PIK3C2A: variants seen among roughly 807,000 people sequenced by gnomAD.
PIK3C2A encodes phosphatidylinositol-4-phosphate 3-kinase catalytic subunit type 2 alpha.
PIK3C2A carries 97 observed loss-of-function variants against 204.5 expected under a neutral mutation model. That is an observed-to-expected ratio of 0.47 (90% CI 0.40 to 0.56). PIK3C2A has a LOEUF of 0.56. PIK3C2A is among the 20% of genes least tolerant of loss of function. PIK3C2A has a pLI of 0.00. For synonymous variants in PIK3C2A, 653 were observed against 664.4 expected (o/e 0.98, Z 0.26); for missense variants, 1,735 against 1,969.2 (o/e 0.88, Z 2.25).
chr11:17,095,495 G>T (rs1254638587), intron 27 of PIK3C2A, among the ~76,000 whole-genome samples: 1 of 151,598 alleles, frequency 6.6e-6, no homozygotes, highest in Admixed American at 6.6e-5. Flanking sequence ...GGAGGCTGAG[G>T]CAGGAGAATG....
In PIK3C2A at chr11:17,155,538, C is replaced by A; in HGVS notation, c.1157G>T (p.Arg386Leu). 1.9e-6 allele frequency: 3 copies of A among 1,583,586 alleles called. No individual in the cohort carries two copies. The highest frequency in any genetic ancestry group is 2.3e-5 in the South Asian group (2 of 87,782). Residue 386 changes from arginine to leucine, a missense_variant, in exon 3 of 33, where the codon CGA becomes CTA. Around this residue, in one of 6 missense-constraint regions of PIK3C2A, gnomAD observed 536 missense variants for 546.7 expected, o/e 0.98. Transcript: ENST00000691414. Reference protein sequence around the residue: ...VQNEEMAAFCRSITKLKTKFP... With the variant: ...VQNEEMAAFCLSITKLKTKFP... Reference sequence around the variant, plus strand: ...AAAAATTCCTTACTTTGTAATGGATCGACAAAAAGCTGCCATCTCCTCATT... The same window carrying A: ...AAAAATTCCTTACTTTGTAATGGATAGACAAAAAGCTGCCATCTCCTCATT...
chr11:17,098,102 GA>G (rs1404681048), intron 26 of PIK3C2A, among the ~76,000 whole-genome samples: 1 of 152,180 alleles, frequency 6.6e-6, no homozygotes, highest in African/African-American at 2.4e-5. Context: ...GCAAGCAAAG[GA>G]AATAAGTCTC....
At chr11:17,152,533 T>C (rs886152682) in intron 3 of PIK3C2A, among the ~76,000 whole-genome samples, 1 of 152,186 alleles carries the variant, frequency 6.6e-6, no homozygotes, top group Non-Finnish European at 1.5e-5. Context: ...ACTTTCAATA[T>C]AGACCAGATA....
intron 22 of PIK3C2A, among the ~76,000 whole-genome samples, chr11:17,107,819 T>C (rs1186296535): frequency 6.6e-6 from 1 of 152,240 alleles, no homozygotes; most frequent in Non-Finnish European, 1.5e-5. Context: ...GGGGACAGAT[T>C]GTAATTCTAG....
intron 1 of PIK3C2A, chr11:17,193,960 C>A (rs564617751): frequency 6.0e-6 from 2 of 333,614 alleles, no homozygotes; most frequent in Non-Finnish European, 1.1e-5. Flanking sequence ...GGGGGTGGAC[C>A]CCAAATTCCT....
rs1348939380 is a variant in PIK3C2A at position 17,131,937 on chromosome 11, T to C, written c.2210A>G (p.Tyr737Cys). Residue 737 changes from tyrosine (Y) to cysteine (C), a missense_variant, in exon 12 of 33, where the codon TAT (tyrosine) becomes TGT (cysteine). Around this residue, in one of 6 missense-constraint regions of PIK3C2A, gnomAD observed 567 missense variants for 576.0 expected, o/e 0.98. Coordinates refer to ENST00000691414, the MANE Select transcript of PIK3C2A (RefSeq NM_002645.4). ...TTACAGTTCATCCCATTTAATAAGA[T>C]AGAAGAAATTCTTGTAAGTGCCAAC... ...KKVGTYKNFF[Y>C]LIKWDELIIF... The C allele has an allele frequency of 3.1e-6, 5 of 1,600,722 alleles. No individual in the cohort carries two copies. In the South Asian group the frequency reaches 3.4e-5, roughly 11 times the overall value.
rs1285149121 is a variant in PIK3C2A at position 17,119,881 on chromosome 11, T to C, written c.2751A>G (p.Pro917=). Residue 917 remains proline, a synonymous_variant, in exon 16 of 33, where the codon CCA becomes CCG. Coordinates refer to ENST00000691414, the MANE Select transcript of PIK3C2A (RefSeq NM_002645.4). The stretch of plus-strand genomic sequence containing the variant: ...TGGCAAGATTAACCCATTTCCAGTT[T>C]GGGGCGCTTGCTAATATTTTAGGAA... ...NCLPKILASA[P]NWKWVNLAKT... 3.7e-6 allele frequency: 6 copies of C among 1,612,092 alleles called. No homozygotes were observed. The highest frequency in any genetic ancestry group is 5.1e-6 in the Non-Finnish European group (6 of 1,178,936).
chr11:17,180,518 C>T (rs559269400), intron 1 of PIK3C2A, among the ~76,000 whole-genome samples: 1 of 115,418 alleles, frequency 8.7e-6, no homozygotes, highest in African/African-American at 3.3e-5. Flanking sequence ...ACAACAACAA[C>T]AACAAAAAAC....
In PIK3C2A at chr11:17,094,374, G is replaced by A. The variant is rs768800889; in HGVS notation, c.4338C>T (p.Val1446=). ...YNPDKHYIYV[V]RILREGQIEP... is the part of the protein sequence containing the mutation. ...CAATCTGTCCTTCCCTCAAAATTCG[G>A]ACTACATAAATCTGAAAAGAAATCA... Residue 1446 remains valine (V), a synonymous_variant, in exon 28 of 33, where the codon GTC becomes GTT. Transcript: ENST00000691414. 6.2e-7 allele frequency: 1 copy of A among 1,609,302 alleles called. No homozygotes were observed. The highest frequency in any genetic ancestry group is 1.1e-5 in the South Asian group (1 of 90,388).
chr11:17,159,090 C>T (rs1359855032), intron 2 of PIK3C2A, among the ~76,000 whole-genome samples: 1 of 152,216 alleles, frequency 6.6e-6, no homozygotes, highest in African/African-American at 2.4e-5. Context: ...CATACTCCCA[C>T]CCCACTTCCA....
At chr11:17,197,668 A>G (rs1199943000) in intron 1 of PIK3C2A, among the ~76,000 whole-genome samples, 4 of 152,208 alleles carry the variant, frequency 2.6e-5, no homozygotes, top group Non-Finnish European at 5.9e-5. Context: ...GAAGTTTTCA[A>G]TCTAACTCAG....
chr11:17,190,441 C>T (rs970917864), intron 1 of PIK3C2A, among the ~76,000 whole-genome samples: 14 of 151,150 alleles, frequency 9.3e-5, no homozygotes, highest in East Asian at 3.9e-4. Context: ...CGTGGTGGTG[C>T]GCACCTGTAA....
At chr11:17,178,057 C>T (rs1851393867) in intron 1 of PIK3C2A, among the ~76,000 whole-genome samples, 1 of 138,666 alleles carries the variant, frequency 7.2e-6, no homozygotes, top group Admixed American at 7.8e-5. Flanking sequence ...CATGCCACCA[C>T]ACTCCAGCCT....
intron 1 of PIK3C2A, chr11:17,204,162 A>T (rs1433777255): frequency 1.3e-5 from 2 of 152,128 alleles, no homozygotes; most frequent in African/African-American, 4.8e-5. Flanking sequence ...CAGCCTCTAG[A>T]TCTATACTGT....
intron 28 of PIK3C2A, among the ~76,000 whole-genome samples, chr11:17,093,803 AT>A (rs1167962793): frequency 6.6e-6 from 1 of 151,700 alleles, no homozygotes; most frequent in Non-Finnish European, 1.5e-5. Flanking sequence ...AGCCCAGCTA[AT>A]TTTTGTATTT....
intron 1 of PIK3C2A, among the ~76,000 whole-genome samples, chr11:17,182,540 C>T (rs1045657882): frequency 2.7e-5 from 4 of 148,856 alleles, no homozygotes; most frequent in Admixed American, 1.3e-4. Flanking sequence ...TGTACTTCAG[C>T]CTGGACGACA....
intron 1 of PIK3C2A, among the ~76,000 whole-genome samples, chr11:17,192,757 T>C (rs1851985221): frequency 1.3e-5 from 2 of 152,230 alleles, no homozygotes; most frequent in South Asian, 4.1e-4. Flanking sequence ...ACAAAACAAC[T>C]GTTATGGAAA....
intron 27 of PIK3C2A, among the ~76,000 whole-genome samples, chr11:17,094,655 CAG>C (rs1173760442): frequency 6.6e-6 from 1 of 152,006 alleles, no homozygotes; most frequent in Non-Finnish European, 1.5e-5. Context: ...ACCTGGGAGA[CAG>C]AGGTTGCAGT....
chr11:17,112,155 A>G lies in PIK3C2A; in HGVS notation c.3414+419T>C, dbSNP rs1450689715. Among the ~76,000 whole-genome samples the G allele has an allele frequency of 3.3e-5, 5 of 152,098 alleles. No individual in the cohort carries two copies. In the East Asian group the frequency reaches 9.7e-4, roughly 29 times the overall value. Reference sequence around the variant, plus strand: ...TCAAAATGTACAAATCATGATCAAAACACGTAAAATTTTTGGCTGGGCGCG... The same window carrying G: ...TCAAAATGTACAAATCATGATCAAAGCACGTAAAATTTTTGGCTGGGCGCG... On this transcript the variant is annotated intron_variant, in intron 21 of 32. Coordinates refer to ENST00000691414, the MANE Select transcript of PIK3C2A (RefSeq NM_002645.4).
Sources: gnomAD v4.1 joint callset for allele counts (sites outside exome capture counted in the v4.1 genomes callset) on GRCh38, gnomAD v4.1.1 for gene constraint, gnomAD v4.1.1 regional missense constraint, MANE v1.5 for transcripts, NCBI Gene and HGNC (gene_info 2026-07-23, HGNC 2026-07-21) for gene names.